The following SUPT5H variants were observed in gnomAD, a reference collection of about 807,000 sequenced individuals.
SUPT5H encodes the protein transcription elongation factor SPT5.
Under a neutral mutation model 142.5 loss-of-function variants are expected in SUPT5H, and 24 were observed. The ratio of observed to expected loss-of-function variants is 0.17; its 90% CI spans 0.12 to 0.24. The LOEUF (loss-of-function observed/expected upper bound fraction) is 0.24, where lower values mean the gene tolerates loss of function less well. SUPT5H is among the 10% of genes least tolerant of loss of function. SUPT5H has a pLI of 1.00. For synonymous variants in SUPT5H, 546 were observed against 553.0 expected (o/e 0.99, Z 0.18); for missense variants, 893 against 1,471.8 (o/e 0.61, Z 6.43).
intron 11 of SUPT5H, 90 bp downstream of exon 11, chr19:39,465,139 C>T: frequency 2.0e-6 from 3 of 1,515,470 alleles, no homozygotes; most frequent in Non-Finnish European, 2.7e-6. Flanking sequence ...CTTTGTGCTG[C>T]AGAGAATAGA....
At chr19:39,446,276 G>T (rs1028124867) in intron 2 of SUPT5H, among the ~76,000 whole-genome samples, 1 of 151,902 alleles carries the variant, frequency 6.6e-6, no homozygotes, top group African/African-American at 2.4e-5. Flanking sequence ...TATTTGTAGT[G>T]CCTACTATGT....
chr19:39,451,296 C>T (rs553793129), intron 2 of SUPT5H, among the ~76,000 whole-genome samples: 1 of 150,514 alleles, frequency 6.6e-6, no homozygotes, highest in African/African-American at 2.4e-5. Context: ...TCAAACAATC[C>T]TCCTGCCTCA....
In SUPT5H at chr19:39,472,325, G is replaced by T; in HGVS notation, c.1951-84G>T. 3 of 1,365,500 alleles carry T rather than the reference G, an allele frequency of 2.2e-6. No homozygotes were observed. Among genetic ancestry groups the T allele is most frequent in the Non-Finnish European group, 3.1e-6 (3 of 961,126 alleles). 84.6% of individuals were successfully genotyped at this position (1,365,500 alleles called of 1,614,324 possible). A position where few individuals can be genotyped will look rare whatever the true frequency, so the allele number is the denominator to read the frequency against. ...TGGGTGGCTGGGTGGTCTCCTCAGG[G>T]CCCTGCACGTGGGATGATGAGTTCC... On this transcript the variant is annotated intron_variant, in intron 20 of 29. Coordinates refer to ENST00000432763, the MANE Select transcript of SUPT5H (RefSeq NM_001111020.3). This position sits in a 1 kb window ranked among gnomAD's most constrained non-coding sequence, Gnocchi z 4.2.
Position 39,473,156 on chromosome 19 carries a change from G to C in SUPT5H, c.2258+42G>C. 6.2e-7 allele frequency: 1 copy of C among 1,610,782 alleles called. No individual in the cohort carries two copies. Among genetic ancestry groups the C allele is most frequent in the Non-Finnish European group, 8.5e-7 (1 of 1,179,550 alleles). ...GGGAGGGCCAGGGTGGGGCTTGCTA[G>C]GCAGTGAGAGGGGTCTGCTCACCCC... On this transcript the variant is annotated intron_variant, in intron 23 of 29. Coordinates refer to ENST00000432763, the MANE Select transcript of SUPT5H (RefSeq NM_001111020.3). The surrounding 1 kb of genome is among the most constrained non-coding windows in gnomAD (Gnocchi z 5.8).
At position 39,474,589 on chromosome 19, in the gene SUPT5H, A is replaced by C; in HGVS notation, c.2895A>C (p.Pro965=). The change falls in exon 28 of 30, where the codon CCA becomes CCC. Residue 965 remains proline, a synonymous_variant. Transcript: ENST00000432763. This position sits in a 1 kb window ranked among gnomAD's most constrained non-coding sequence, Gnocchi z 6.5. ...CTCCCTCCCCTGGTGGCTACAACCC[A>C]CACACGCCAGGCTCAGGCATCGAGC... The part of the protein sequence containing the change: ...PGAPSPGGYN[P]HTPGSGIEQN... The C allele has an allele frequency of 6.2e-7, 1 of 1,614,122 alleles. No homozygotes were observed. Among genetic ancestry groups the C allele is most frequent in the Non-Finnish European group, 8.5e-7 (1 of 1,179,994 alleles).
chr19:39,464,627 TG>T (rs1309286856), intron 10 of SUPT5H, among the ~76,000 whole-genome samples, 170 bp from the exon 11 acceptor site: 1 of 152,246 alleles, frequency 6.6e-6, no homozygotes, highest in African/African-American at 2.4e-5. Context: ...TAGTCTGGTT[TG>T]TTTGCTGTGA....
intron 13 of SUPT5H, chr19:39,468,045 T>C (rs1034546300): frequency 6.6e-6 from 1 of 152,190 alleles, no homozygotes; most frequent in African/African-American, 2.4e-5. Flanking sequence ...AGAAGGCGAT[T>C]GCATGAGCGC....
rs765905106 is a variant in SUPT5H at position 39,459,024 on chromosome 19, C to T, written c.409C>T (p.Leu137=). ...CTCCAGGGACCAGCGAGAAGAAGAA[C>T]TGGGCGAGTATTACATGAAGAAATA... is the stretch of plus-strand genomic sequence containing the variant. ...NLWRDQREEE[L]GEYYMKKYAK... is the part of the protein sequence containing the mutation. The change falls in exon 7 of 30, where the codon CTG becomes TTG. Residue 137 remains leucine, a synonymous_variant. Transcript: ENST00000432763. 6.2e-7 allele frequency: 1 copy of T among 1,614,038 alleles called. No homozygotes were observed. The highest frequency in any genetic ancestry group is 8.5e-7 in the Non-Finnish European group (1 of 1,180,028).
Position 39,470,685 on chromosome 19 carries a change from TTGA to T in SUPT5H, c.1677+164_1677+166del, listed in dbSNP as rs1348612726. Among the ~76,000 whole-genome samples, 1 of 152,158 alleles carries T rather than the reference TTGA, an allele frequency of 6.6e-6. No individual in the cohort carries two copies. Among genetic ancestry groups the T allele is most frequent in the Non-Finnish European group, 1.5e-5 (1 of 68,032 alleles). On this transcript the variant is annotated intron_variant, in intron 18 of 29. Transcript: ENST00000432763. The surrounding 1 kb of genome is among the most constrained non-coding windows in gnomAD (Gnocchi z 5.8). ...CTGATAGTGGGCACATGGCAAGTCATTGATCCCTCCCCTTGCCTGTTTTCACAC... is the reference window on the plus strand; with the variant it reads ...CTGATAGTGGGCACATGGCAAGTCATTCCCTCCCCTTGCCTGTTTTCACAC...
chr19:39,449,309 A>G (rs980638323), intron 2 of SUPT5H, among the ~76,000 whole-genome samples: 1 of 152,098 alleles, frequency 6.6e-6, no homozygotes, highest in Non-Finnish European at 1.5e-5. Context: ...GGAAAGAGGC[A>G]TCTCTGGGAC....
chr19:39,460,131 C>T (rs1163582123), intron 10 of SUPT5H, 171 bp downstream of exon 10: 6 of 652,562 alleles, frequency 9.2e-6, no homozygotes, highest in Non-Finnish European at 1.6e-5. Context: ...TCTTCTCGGC[C>T]TAGATGGATA....
intron 13 of SUPT5H, chr19:39,468,430 T>A: frequency 2.6e-6 from 1 of 391,564 alleles, no homozygotes; most frequent in South Asian, 2.8e-5. Flanking sequence ...TACTGGGCAC[T>A]ATTCTTGGTG....
rs375020910 is a variant in SUPT5H at position 39,466,544 on chromosome 19, A to T, written c.941A>T (p.Asp314Val). 2.5e-6 allele frequency: 4 copies of T among 1,613,986 alleles called. No individual in the cohort carries two copies. Among genetic ancestry groups the T allele is most frequent in the Non-Finnish European group, 3.4e-6 (4 of 1,180,024 alleles). ...AAGATGATCCCACGCATCGACTACGATCGCATCAAGGCCCGCATGAGCTTG... is the reference window on the plus strand; with the variant it reads ...AAGATGATCCCACGCATCGACTACGTTCGCATCAAGGCCCGCATGAGCTTG... ...SLKMIPRIDY[D>V]RIKARMSLKD... Residue 314 changes from aspartate to valine, a missense_variant, in exon 12 of 30, where the codon GAT (aspartate) becomes GTT (valine). Transcript: ENST00000432763. This position sits in a 1 kb window ranked among gnomAD's most constrained non-coding sequence, Gnocchi z 4.3.
Position 39,445,977 on chromosome 19 carries a change from G to T in SUPT5H, c.75+12G>T. On this transcript the variant is annotated intron_variant, in intron 2 of 29. Transcript: ENST00000432763. ...GCGAGGAGGCCGAGGTCTGTGGCTGGGGCGCTGGGGGAGACATTGCGTCTG... is the reference window on the plus strand; with the variant it reads ...GCGAGGAGGCCGAGGTCTGTGGCTGTGGCGCTGGGGGAGACATTGCGTCTG... 1 of 1,609,782 alleles carries T rather than the reference G, an allele frequency of 6.2e-7. No individual in the cohort carries two copies. The highest frequency in any genetic ancestry group is 1.1e-5 in the South Asian group (1 of 90,532).
At position 39,470,109 on chromosome 19, in the gene SUPT5H, A is replaced by G. The variant is rs1429138023; in HGVS notation, c.1375-10A>G. 6.2e-7 allele frequency: 1 copy of G among 1,611,562 alleles called. No individual in the cohort carries two copies. The highest frequency in any genetic ancestry group is 2.2e-5 in the East Asian group (1 of 44,790). ...TCACCTGTTTGTTGTCCCCACACCC[A>G]ATCCCCCAGGACATGTTGGAGTTCC... On this transcript the variant is annotated splice_polypyrimidine_tract_variant and intron_variant, in intron 16 of 29. Transcript: ENST00000432763. The surrounding 1 kb of genome is among the most constrained non-coding windows in gnomAD (Gnocchi z 5.8).
Position 39,475,048 on chromosome 19 carries a change from C to T in SUPT5H, c.3024+330C>T, listed in dbSNP as rs1373255292. ...CCTGGAGGTGAGGGGAACCTGGGCA[C>T]ATTCCAGGAGCTGAAGGGTTTGTTG... is the stretch of plus-strand genomic sequence containing the variant. On this transcript the variant is annotated intron_variant, in intron 28 of 29. Coordinates refer to ENST00000432763, the MANE Select transcript of SUPT5H (RefSeq NM_001111020.3). 3 of 388,840 alleles carry T rather than the reference C, an allele frequency of 7.7e-6. No individual in the cohort carries two copies. In the Admixed American group the frequency reaches 1.2e-4, roughly 16 times the overall value. 24.1% of individuals were successfully genotyped at this position (388,840 alleles called of 1,614,324 possible).
chr19:39,445,916 T>C lies in SUPT5H; in HGVS notation c.26T>C (p.Phe9Ser). Reference protein sequence around the residue: MSDSEDSNFSEEEDSERSS... With the variant: MSDSEDSNSSEEEDSERSS... The stretch of plus-strand genomic sequence containing the variant: ...ATGTCGGACAGCGAGGACAGCAACT[T>C]TTCCGAGGAGGAGGACAGCGAGCGC... Residue 9 changes from phenylalanine (F) to serine (S), a missense_variant, in exon 2 of 30, where the codon TTT (phenylalanine) becomes TCT (serine). Phe to Ser is a radical substitution (Grantham distance 155). Transcript: ENST00000432763. The C allele has an allele frequency of 1.2e-6, 2 of 1,613,626 alleles. No individual in the cohort carries two copies. The highest frequency in any genetic ancestry group is 2.7e-5 in the African/African-American group (2 of 74,986).
chr19:39,472,344 G>T lies in SUPT5H; in HGVS notation c.1951-65G>T. 6.6e-7 allele frequency: 1 copy of T among 1,515,048 alleles called. No homozygotes were observed. Among genetic ancestry groups the T allele is most frequent in the Non-Finnish European group, 9.1e-7 (1 of 1,093,064 alleles). The allele number at this position is 1,515,048 out of a possible 1,614,324, so 93.9% of individuals were successfully genotyped here. ...CTCAGGGCCCTGCACGTGGGATGAT[G>T]AGTTCCTGTGGTTTGTGGTTCCCCC... On this transcript the variant is annotated intron_variant, in intron 20 of 29. Coordinates refer to ENST00000432763, the MANE Select transcript of SUPT5H (RefSeq NM_001111020.3). This position sits in a 1 kb window ranked among gnomAD's most constrained non-coding sequence, Gnocchi z 4.2.
At chr19:39,460,153 T>G in intron 10 of SUPT5H, 193 bp downstream of exon 10, 1 of 600,520 alleles carries the variant, frequency 1.7e-6, no homozygotes, top group Non-Finnish European at 3.0e-6. Context: ...GTTGTCTTTG[T>G]TCTCTGCATT....
Sources: gnomAD v4.1 joint callset for allele counts (sites outside exome capture counted in the v4.1 genomes callset) on GRCh38, gnomAD v4.1.1 for gene constraint, Gnocchi (gnomAD v3.1) non-coding constraint, MANE v1.5 for transcripts, NCBI Gene and HGNC (gene_info 2026-07-23, HGNC 2026-07-21) for gene names.